RSPO3: variants seen among roughly 807,000 people sequenced by gnomAD.
The protein encoded by RSPO3 is R-spondin 3, also known as R-spondin-3.
In RSPO3, 17 loss-of-function variants were observed where a neutral mutation model predicts 36.5. That is an observed-to-expected ratio of 0.47 (90% CI 0.32 to 0.70). The LOEUF is 0.70. Among genes scored for constraint, RSPO3 ranks in the 30% least tolerant of loss-of-function variants. The pLI, the probability that RSPO3 is intolerant of heterozygous loss-of-function variation, is 0.04. For missense variants in RSPO3, 294 were observed against 322.5 expected (o/e 0.91, Z 0.68); for synonymous variants, 108 against 107.0 (o/e 1.01, Z -0.06).
chr6:127,144,643 G>GTTTTTTTTTTGTTTTTTTTTTTTTT (rs1554220624), intron 1 of RSPO3, among the ~76,000 whole-genome samples: 1 of 99,130 alleles, frequency 1.0e-5, no homozygotes, highest in African/African-American at 4.2e-5. Context: ...GCTTCCCCTT[G>GTTTTTTTTTTGTTTTTTTTTTTTTT]TTTTTTTTTT....
intron 4 of RSPO3, among the ~76,000 whole-genome samples, chr6:127,176,863 C>T (rs757150828): frequency 5.3e-5 from 8 of 151,800 alleles, no homozygotes; most frequent in Non-Finnish European, 1.2e-4. Flanking sequence ...AATCTTTATA[C>T]CCTTGCTTGA....
intron 3 of RSPO3, among the ~76,000 whole-genome samples, chr6:127,153,164 T>C (rs1305879556): frequency 6.6e-6 from 1 of 152,114 alleles, no homozygotes; most frequent in Non-Finnish European, 1.5e-5. Flanking sequence ...AGTGAATAGC[T>C]AAAGATTTCC....
chr6:127,172,510 GT>G (rs1774960085), intron 4 of RSPO3, among the ~76,000 whole-genome samples: 1 of 151,542 alleles, frequency 6.6e-6, no homozygotes, highest in Non-Finnish European at 1.5e-5. Flanking sequence ...GAGACCTCCA[GT>G]TACTGCAATG....
chr6:127,138,342 C>T (rs554341081), intron 1 of RSPO3, among the ~76,000 whole-genome samples: 3 of 152,086 alleles, frequency 2.0e-5, no homozygotes, highest in Non-Finnish European at 2.9e-5. Context: ...CTTCTTGACC[C>T]GGATGTCTGT....
intron 1 of RSPO3, among the ~76,000 whole-genome samples, chr6:127,125,154 T>C (rs1773915244): frequency 6.6e-6 from 1 of 152,124 alleles, no homozygotes; most frequent in Non-Finnish European, 1.5e-5. Flanking sequence ...TTAGAGAAAA[T>C]TCATTGGTAC....
At chr6:127,140,040 T>C (rs554177537) in intron 1 of RSPO3, among the ~76,000 whole-genome samples, 2 of 152,304 alleles carry the variant, frequency 1.3e-5, no homozygotes, top group African/African-American at 2.4e-5. Context: ...GGAAAGTTCA[T>C]AGGGTTTTTA....
chr6:127,167,696 G>A (rs551593594), intron 4 of RSPO3, among the ~76,000 whole-genome samples: 1 of 152,042 alleles, frequency 6.6e-6, no homozygotes, highest in African/African-American at 2.4e-5. Context: ...GTGCCATGTT[G>A]GTGTGCTGCA....
At position 127,119,111 on chromosome 6, in the gene RSPO3, C is replaced by T. The variant is rs867763988; in HGVS notation, c.-82C>T. On this transcript the variant is annotated 5_prime_UTR_variant, in exon 1 of 5. Transcript: ENST00000356698. ...GGGCACTGTCTATATACGCCTAACA[C>T]CTACATATATTTTAAAAACATTAAA... The T allele has an allele frequency of 1.1e-5, 12 of 1,106,534 alleles. No individual in the cohort carries two copies. Among genetic ancestry groups the T allele is most frequent in the Non-Finnish European group, 1.3e-5 (10 of 741,686 alleles). The allele number at this position is 1,106,534 out of a possible 1,614,324, so 68.5% of individuals were successfully genotyped here. A position where few individuals can be genotyped will look rare whatever the true frequency, so the allele number is the denominator to read the frequency against.
intron 4 of RSPO3, among the ~76,000 whole-genome samples, chr6:127,167,712 T>G (rs1582804478): frequency 6.6e-6 from 1 of 152,062 alleles, no homozygotes; most frequent in East Asian, 1.9e-4. Flanking sequence ...CTGCACCCAT[T>G]AACTCGTCAT....
intron 4 of RSPO3, among the ~76,000 whole-genome samples, chr6:127,162,801 T>C (rs1250265214): frequency 6.6e-6 from 1 of 152,222 alleles, no homozygotes; most frequent in African/African-American, 2.4e-5. Flanking sequence ...CAGTAGCTGC[T>C]GTCTTCATTA....
chr6:127,122,971 T>C (rs1773874101), intron 1 of RSPO3, among the ~76,000 whole-genome samples: 1 of 152,120 alleles, frequency 6.6e-6, no homozygotes, highest in African/African-American at 2.4e-5. Context: ...ATGCAAGTTT[T>C]GAAAAGCCAT....
At chr6:127,158,489 A>G (rs945001288) in intron 4 of RSPO3, among the ~76,000 whole-genome samples, 4 of 152,160 alleles carry the variant, frequency 2.6e-5, no homozygotes, top group African/African-American at 7.2e-5. Flanking sequence ...GCATGTGTTC[A>G]GGATTTTTTC....
intron 1 of RSPO3, among the ~76,000 whole-genome samples, chr6:127,120,173 C>T (rs953083085): frequency 3.9e-5 from 6 of 152,286 alleles, no homozygotes; most frequent in African/African-American, 1.4e-4. Context: ...TAAGCGGACA[C>T]CACCACGGCA....
chr6:127,150,477 G>A lies in RSPO3; in HGVS notation c.341G>A (p.Cys114Tyr). 2 of 1,612,476 alleles carry A rather than the reference G, an allele frequency of 1.2e-6. No individual in the cohort carries two copies. The highest frequency in any genetic ancestry group is 8.5e-7 in the Non-Finnish European group (1 of 1,179,164). Residue 114 changes from cysteine (C) to tyrosine (Y), a missense_variant, in exon 3 of 5, where the codon TGT becomes TAT. This residue lies in a region of RSPO3 where 190 missense variants were observed against 185.2 expected (regional missense o/e 1.03). Coordinates refer to ENST00000356698, the MANE Select transcript of RSPO3 (RefSeq NM_032784.5). Reference protein sequence around the residue: ...TCFNKNFCTKCKSGFYLHLGK... With the variant: ...TCFNKNFCTKYKSGFYLHLGK... ...TTCAACAAAAATTTCTGCACAAAAT[G>A]TAAAAGTGGATTTTACTTACACCTT...
intron 4 of RSPO3, among the ~76,000 whole-genome samples, chr6:127,178,332 T>C (rs2114628136): frequency 6.6e-6 from 1 of 151,804 alleles, no homozygotes; most frequent in South Asian, 2.1e-4. Context: ...GTCCTATTTT[T>C]TATATAATTA....
rs141683467 is a variant in RSPO3, at chr6:127,177,922, T to C, written c.635-17901T>C. 1.1e-4 allele frequency among the ~76,000 whole-genome samples: 17 copies of C among 151,686 alleles called. No homozygotes were observed. In the East Asian group the frequency reaches 3.3e-3, roughly 30 times the overall value. On this transcript the variant is annotated intron_variant, in intron 4 of 4. Transcript: ENST00000356698. Reference sequence around the variant, plus strand: ...TTTTTTTTTTACAAAAAGAGAATGGTGAAATAACTTTTGTCACGTTAGTAT... The same window carrying C: ...TTTTTTTTTTACAAAAAGAGAATGGCGAAATAACTTTTGTCACGTTAGTAT...
In RSPO3 at chr6:127,198,610, C is replaced by T. The variant is rs991645372; in HGVS notation, c.*2603C>T. Among the ~76,000 whole-genome samples the T allele has an allele frequency of 6.6e-6, 1 of 152,190 alleles. No individual in the cohort carries two copies. Among genetic ancestry groups the T allele is most frequent in the South Asian group, 2.1e-4 (1 of 4,828 alleles). ...TGCAGCAACATAAATCTGTTAATGT[C>T]TGATCAAGCTCCTGCCCTGTTCTCC... is the stretch of plus-strand genomic sequence containing the variant. On this transcript the variant is annotated 3_prime_UTR_variant, in exon 5 of 5. Transcript: ENST00000356698.
chr6:127,191,854 A>G (rs1775415107), intron 4 of RSPO3, among the ~76,000 whole-genome samples: 1 of 152,220 alleles, frequency 6.6e-6, no homozygotes, highest in Non-Finnish European at 1.5e-5. Context: ...ACTGGTCCTC[A>G]GGACAAACTC....
chr6:127,185,498 C>T (rs942535584), intron 4 of RSPO3, among the ~76,000 whole-genome samples: 12 of 151,964 alleles, frequency 7.9e-5, no homozygotes, highest in Admixed American at 5.9e-4. Context: ...CATTTAAGAA[C>T]GTATTTGAAG....
Sources: gnomAD v4.1 joint callset for allele counts (sites outside exome capture counted in the v4.1 genomes callset) on GRCh38, gnomAD v4.1.1 for gene constraint, gnomAD v4.1.1 regional missense constraint, MANE v1.5 for transcripts, NCBI Gene and HGNC (gene_info 2026-07-23, HGNC 2026-07-21) for gene names.